The following STK4 variants were observed in gnomAD, a reference collection of about 807,000 sequenced individuals.
STK4 encodes serine/threonine kinase 4, also known as serine/threonine-protein kinase 4.
A neutral mutation model predicts 64.9 loss-of-function variants in STK4; 30 were observed. That is an observed-to-expected ratio of 0.46 (90% CI 0.35 to 0.63). The LOEUF (loss-of-function observed/expected upper bound fraction) is 0.63, where lower values mean the gene tolerates loss of function less well. STK4 is among the 20% of genes least tolerant of loss of function. The pLI, the probability that STK4 is intolerant of heterozygous loss-of-function variation, is 0.01. For synonymous variants in STK4, 177 were observed against 199.0 expected (o/e 0.89, Z 0.93); for missense variants, 466 against 598.5 (o/e 0.78, Z 2.31).
chr20:45,061,458 A>C (rs1978994398), intron 10 of STK4, among the ~76,000 whole-genome samples: 1 of 152,174 alleles, frequency 6.6e-6, no homozygotes, highest in African/African-American at 2.4e-5. Context: ...CTGGGACATG[A>C]ATCATTGCTC....
intron 1 of STK4, among the ~76,000 whole-genome samples, chr20:44,969,973 A>G (rs2067215151): frequency 6.6e-6 from 1 of 152,178 alleles, no homozygotes; most frequent in South Asian, 2.1e-4. Context: ...ACATTTGTGA[A>G]TCCATTTCAC....
intron 10 of STK4, among the ~76,000 whole-genome samples, chr20:45,044,540 G>C (rs1050511972): frequency 1.3e-5 from 2 of 152,114 alleles, no homozygotes; most frequent in African/African-American, 4.8e-5. Flanking sequence ...TGTGGTCCCA[G>C]CTACTCAGGT....
Position 45,038,134 on chromosome 20 carries a change from A to G in STK4, c.1305+13004A>G, listed in dbSNP as rs546854431. Among the ~76,000 whole-genome samples the G allele has an allele frequency of 4.6e-5, 7 of 152,252 alleles. No homozygotes were observed. In the South Asian group the frequency reaches 1.4e-3, roughly 32 times the overall value. On this transcript the variant is annotated intron_variant, in intron 10 of 10. Coordinates refer to ENST00000372806, the MANE Select transcript of STK4 (RefSeq NM_006282.5). ...ATATTCTTAAATTTACCAGCCTTTA[A>G]TGGTAAGGTAAAATTTAATGTCCCA...
chr20:44,986,146 T>A (rs1266559175), intron 4 of STK4, among the ~76,000 whole-genome samples: 2 of 152,230 alleles, frequency 1.3e-5, no homozygotes, highest in African/African-American at 4.8e-5. Flanking sequence ...CTTGTGTTTC[T>A]AACAGGGATG....
chr20:45,020,472 T>TGTG (rs1568728059), intron 9 of STK4, among the ~76,000 whole-genome samples: 24 of 49,532 alleles, frequency 4.8e-4, no homozygotes, highest in African/African-American at 2.7e-3. Flanking sequence ...GTGTGTATGT[T>TGTG]TATGTTTATG....
In STK4 at chr20:45,079,679, GT is replaced by G. The variant is rs1312373467; in HGVS notation, c.*4504del. 6.6e-6 allele frequency: 1 copy of G among 152,548 alleles called. No homozygotes were observed. Among genetic ancestry groups the G allele is most frequent in the Admixed American group, 6.5e-5 (1 of 15,270 alleles). The allele number at this position is 152,548 out of a possible 1,614,324, so 9.4% of individuals were successfully genotyped here. On this transcript the variant is annotated 3_prime_UTR_variant, in exon 11 of 11. Coordinates refer to ENST00000372806, the MANE Select transcript of STK4 (RefSeq NM_006282.5). ...TTTTTGCTATGTACAGTTTAAAAAT[GT>G]GAAGTTTGTAGCTTTAACTTTTTGT...
chr20:45,052,456 G>A (rs1600542096), intron 10 of STK4, among the ~76,000 whole-genome samples: 1 of 151,912 alleles, frequency 6.6e-6, no homozygotes, highest in Non-Finnish European at 1.5e-5. Context: ...ATTTTTAAGG[G>A]TCACATAGTA....
At chr20:45,004,774 C>A (rs987607802) in intron 9 of STK4, among the ~76,000 whole-genome samples, 53 of 117,914 alleles carry the variant, frequency 4.5e-4, no homozygotes, top group African/African-American at 1.5e-3. Context: ...TTTCTTTTTT[C>A]TTTTTTTTTT....
chr20:45,000,192 A>G (rs571593943), intron 7 of STK4, among the ~76,000 whole-genome samples, 200 bp from the exon 8 acceptor site: 1 of 152,346 alleles, frequency 6.6e-6, no homozygotes, highest in African/African-American at 2.4e-5. Context: ...CCAGGCTGAA[A>G]AAGATAGGCA....
Position 45,001,168 on chromosome 20 carries a change from A to G in STK4, c.962A>G (p.Glu321Gly). ...ATTTGAGATTGTATCCTTTTACAGG[A>G]AGAGGATGAAATGGATTCTGGCACG... ...EVDQDDEENS[E>G]EDEMDSGTMV... is the part of the protein sequence containing the mutation. The change falls in exon 9 of 11, where the codon GAA becomes GGA. Residue 321 changes from glutamate (E) to glycine (G), a missense_variant and splice_region_variant. Physicochemically the swap from Glu to Gly is moderately conservative, Grantham distance 98. Transcript: ENST00000372806. The G allele has an allele frequency of 6.2e-7, 1 of 1,606,480 alleles. No individual in the cohort carries two copies. Among genetic ancestry groups the G allele is most frequent in the Non-Finnish European group, 8.5e-7 (1 of 1,174,090 alleles).
At chr20:45,045,256 C>G (rs2068674767) in intron 10 of STK4, among the ~76,000 whole-genome samples, 1 of 152,144 alleles carries the variant, frequency 6.6e-6, no homozygotes, top group African/African-American at 2.4e-5. Context: ...GCAATGCTTA[C>G]AGTGTTTCTG....
At chr20:44,966,741 G>C in intron 1 of STK4, 138 bp downstream of exon 1, 1 of 1,042,624 alleles carries the variant, frequency 9.6e-7, no homozygotes, top group Non-Finnish European at 1.2e-6. Context: ...GTGAGGGGGG[G>C]GACGTCTGGT....
chr20:45,074,452 C>T (rs183542269), intron 10 of STK4, among the ~76,000 whole-genome samples: 15 of 152,218 alleles, frequency 9.9e-5, no homozygotes, highest in African/African-American at 3.1e-4. Flanking sequence ...AGACTGTTAC[C>T]TGGTATATAG....
At chr20:45,017,862 C>T (rs144732532) in intron 9 of STK4, among the ~76,000 whole-genome samples, 2 of 152,264 alleles carry the variant, frequency 1.3e-5, no homozygotes, top group African/African-American at 4.8e-5. Flanking sequence ...CACCATTGCC[C>T]AGAAATTAAG....
intron 10 of STK4, among the ~76,000 whole-genome samples, chr20:45,057,275 C>G (rs1313518401): frequency 6.6e-6 from 1 of 152,186 alleles, no homozygotes; most frequent in Non-Finnish European, 1.5e-5. Flanking sequence ...GAGAAAACTT[C>G]ACAGCACACG....
chr20:45,049,927 A>C (rs2068751909), intron 10 of STK4, among the ~76,000 whole-genome samples: 1 of 151,956 alleles, frequency 6.6e-6, no homozygotes, highest in Non-Finnish European at 1.5e-5. Context: ...CCCTCTCTAC[A>C]CTGTTCACCT....
Position 44,997,220 on chromosome 20 carries a change from C to G in STK4, c.745C>G (p.Leu249Val), listed in dbSNP as rs1293024363. The G allele has an allele frequency of 1.2e-6, 2 of 1,614,044 alleles. No homozygotes were observed. The highest frequency in any genetic ancestry group is 1.7e-6 in the Non-Finnish European group (2 of 1,179,926). ...TCCTCCCACATTCCGAAAACCAGAG[C>G]TATGGTCAGATAACTTTACAGATTT... ...NPPPTFRKPE[L>V]WSDNFTDFVK... The change falls in exon 7 of 11, where the codon CTA (leucine) becomes GTA (valine). Residue 249 changes from leucine to valine, a missense_variant. Around this residue, in one of 2 missense-constraint regions of STK4, gnomAD observed 276 missense variants for 308.9 expected, o/e 0.89. Coordinates refer to ENST00000372806, the MANE Select transcript of STK4 (RefSeq NM_006282.5).
At chr20:45,011,103 G>T (rs886580966) in intron 9 of STK4, among the ~76,000 whole-genome samples, 1 of 152,106 alleles carries the variant, frequency 6.6e-6, no homozygotes, top group Non-Finnish European at 1.5e-5. Context: ...ATTTTGGAAG[G>T]CTTCTTCTAT....
intron 9 of STK4, among the ~76,000 whole-genome samples, chr20:45,019,217 C>T (rs1279990022): frequency 3.3e-5 from 5 of 152,170 alleles, no homozygotes; most frequent in Non-Finnish European, 7.3e-5. Context: ...TTGCCTCTCA[C>T]CCCCAGGCAA....
Sources: allele counts gnomAD v4.1 joint callset (sites outside exome capture counted in the v4.1 genomes callset), GRCh38; gene constraint gnomAD v4.1.1; regional missense constraint gnomAD v4.1.1; transcripts MANE v1.5; gene names NCBI Gene and HGNC (gene_info 2026-07-23, HGNC 2026-07-21).